NREP: variants seen among roughly 807,000 people sequenced by gnomAD.
NREP encodes neuronal regeneration-related protein.
A neutral mutation model predicts 8.6 loss-of-function variants in NREP; 5 were observed. The observed-to-expected ratio is 0.58, with a 90% confidence interval of 0.30 to 1.22. The LOEUF (loss-of-function observed/expected upper bound fraction) is 1.22. NREP is among the 50% of genes most tolerant of loss of function. The pLI is 0.07. For synonymous variants in NREP, 27 were observed against 28.0 expected (o/e 0.96, Z 0.11); for missense variants, 86 against 82.5 (o/e 1.04, Z -0.17).
intron 2 of NREP, among the ~76,000 whole-genome samples, chr5:111,795,096 G>C (rs2112897290): frequency 6.6e-6 from 1 of 151,986 alleles, no homozygotes; most frequent in South Asian, 2.1e-4. Flanking sequence ...GATTCAAGTA[G>C]CATTATAATG....
At position 111,729,627 on chromosome 5, in the gene NREP, A is replaced by T. The variant is rs529849888; in HGVS notation, c.*1294T>A. The T allele has an allele frequency of 2.6e-5, 4 of 152,782 alleles. No individual in the cohort carries two copies. In the East Asian group the frequency reaches 7.7e-4, roughly 29 times the overall value. The allele number at this position is 152,782 out of a possible 1,614,324, so 9.5% of individuals were successfully genotyped here. On this transcript the variant is annotated 3_prime_UTR_variant, in exon 4 of 4. Transcript: ENST00000257435. The stretch of plus-strand genomic sequence containing the variant: ...AACAGTCAGAAGCGAAACAGTTCAG[A>T]ACAAGGCCTGCCCTGTCAAAAGAAG...
intron 2 of NREP, among the ~76,000 whole-genome samples, chr5:111,925,549 T>C (rs1436171978): frequency 6.6e-6 from 1 of 152,180 alleles, no homozygotes; most frequent in Non-Finnish European, 1.5e-5. Context: ...TACTGTCTGG[T>C]CCTATTGCCT....
At chr5:111,918,431 G>A (rs1485365629) in intron 2 of NREP, among the ~76,000 whole-genome samples, 3 of 152,144 alleles carry the variant, frequency 2.0e-5, no homozygotes, top group African/African-American at 7.2e-5. Flanking sequence ...AATGCTGAAG[G>A]CATCATGCTA....
chr5:111,757,570 A>C, upstream of NREP: 1 of 984,582 alleles, frequency 1.0e-6, no homozygotes, highest in Non-Finnish European at 1.2e-6. Flanking sequence ...ACTCGGCAGG[A>C]ATCGGCGGCT....
intron 2 of NREP, among the ~76,000 whole-genome samples, chr5:111,951,914 G>T (rs545549193): frequency 6.6e-6 from 1 of 152,136 alleles, no homozygotes; most frequent in South Asian, 2.1e-4. Context: ...GTACCAAGAT[G>T]AGGCTAAGGC....
chr5:111,839,449 G>A (rs1237068847), intron 2 of NREP, among the ~76,000 whole-genome samples: 1 of 152,038 alleles, frequency 6.6e-6, no homozygotes, highest in African/African-American at 2.4e-5. Flanking sequence ...GCTATTAAAT[G>A]GATATTTTGG....
At chr5:111,890,245 A>G (rs1205479302) in intron 2 of NREP, among the ~76,000 whole-genome samples, 1 of 136,502 alleles carries the variant, frequency 7.3e-6, no homozygotes, top group Admixed American at 7.4e-5. Flanking sequence ...CCTTCATTCT[A>G]TATCTCACAT....
chr5:111,741,220 T>G (rs1463441467), intron 2 of NREP, among the ~76,000 whole-genome samples: 1 of 152,162 alleles, frequency 6.6e-6, no homozygotes, highest in Non-Finnish European at 1.5e-5. Context: ...ACCTGTATAA[T>G]CAATTCTTTC....
At chr5:111,799,434 T>C (rs1156409363) in intron 2 of NREP, among the ~76,000 whole-genome samples, 2 of 152,240 alleles carry the variant, frequency 1.3e-5, no homozygotes, top group African/African-American at 4.8e-5. Flanking sequence ...AAATTTGACA[T>C]TATCATTGTT....
At position 111,730,901 on chromosome 5, in the gene NREP, T is replaced by C. The variant is rs1192750756; in HGVS notation, c.*20A>G. On this transcript the variant is annotated 3_prime_UTR_variant, in exon 4 of 4. Coordinates refer to ENST00000257435, the MANE Select transcript of NREP (RefSeq NM_004772.4). ...ATCAATACCCATACACCATATGTAA[T>C]ACAAATGGAGGTGTTACGATTAAAA... 5 of 1,613,622 alleles carry C rather than the reference T, an allele frequency of 3.1e-6. No homozygotes were observed. Among genetic ancestry groups the C allele is most frequent in the Non-Finnish European group, 4.2e-6 (5 of 1,179,730 alleles).
Position 111,729,740 on chromosome 5 carries a change from G to GTT in NREP, c.*1179_*1180dup, listed in dbSNP as rs1471012250. ...CATGAGTAGATGGTAATTTATTTTT[G>GTT]TTTATCCATTTCGTTGGGAGCAAGG... On this transcript the variant is annotated 3_prime_UTR_variant, in exon 4 of 4. Coordinates refer to ENST00000257435, the MANE Select transcript of NREP (RefSeq NM_004772.4). 5 of 152,562 alleles carry GTT rather than the reference G, an allele frequency of 3.3e-5. No homozygotes were observed. The highest frequency in any genetic ancestry group is 5.9e-5 in the Non-Finnish European group (4 of 68,024). 9.5% of individuals were successfully genotyped at this position (152,562 alleles called of 1,614,324 possible). A position where few individuals can be genotyped will look rare whatever the true frequency, so the allele number is the denominator to read the frequency against.
At chr5:111,766,680 C>T (rs547965) in intron 2 of NREP, among the ~76,000 whole-genome samples, 2 of 152,174 alleles carry the variant, frequency 1.3e-5, no homozygotes, top group Non-Finnish European at 2.9e-5. Context: ...CTTTCTCCTG[C>T]CATCCCCTAG....
intron 2 of NREP, among the ~76,000 whole-genome samples, chr5:111,867,033 A>G (rs1318446771): frequency 6.6e-6 from 1 of 152,116 alleles, no homozygotes; most frequent in East Asian, 1.9e-4. Flanking sequence ...ATTTGGAGAT[A>G]TACCTAATGT....
At chr5:111,841,608 C>T (rs1456532105) in intron 2 of NREP, among the ~76,000 whole-genome samples, 1 of 152,008 alleles carries the variant, frequency 6.6e-6, no homozygotes, top group Non-Finnish European at 1.5e-5. Context: ...TTTAAAAAGC[C>T]TTAAATTCTG....
Position 111,735,305 on chromosome 5 carries a change from G to A in NREP, c.81+125C>T, listed in dbSNP as rs114814837. ...GTACATTATTTCCAAGGTCATCATA[G>A]TATCAGATTAATGGATTGTTATAGC... On this transcript the variant is annotated intron_variant, in intron 3 of 3. Coordinates refer to ENST00000257435, the MANE Select transcript of NREP (RefSeq NM_004772.4). 2,796 of 583,562 alleles carry A rather than the reference G, an allele frequency of 4.8e-3. 12 individuals carry two copies. Among genetic ancestry groups the A allele is most frequent in the Middle Eastern group, 7.6e-3 (16 of 2,104 alleles). 36.1% of individuals were successfully genotyped at this position (583,562 alleles called of 1,614,324 possible).
chr5:111,783,765 G>A (rs1581114978), intron 2 of NREP, among the ~76,000 whole-genome samples: 1 of 152,006 alleles, frequency 6.6e-6, no homozygotes, highest in East Asian at 1.9e-4. Flanking sequence ...TGCCAATTTT[G>A]TTTTGTAAAT....
chr5:111,797,193 C>T (rs1357509025), intron 2 of NREP, among the ~76,000 whole-genome samples: 1 of 152,106 alleles, frequency 6.6e-6, no homozygotes, highest in Non-Finnish European at 1.5e-5. Flanking sequence ...TCAATTTATC[C>T]ATTCAATAAA....
At chr5:111,840,151 T>TAC (rs756617116) in intron 2 of NREP, among the ~76,000 whole-genome samples, 1 of 151,948 alleles carries the variant, frequency 6.6e-6, no homozygotes, top group Non-Finnish European at 1.5e-5. Context: ...ATATAATTTA[T>TAC]ACACACACAC....
At chr5:111,736,979 T>C (rs1415452480) in intron 2 of NREP, among the ~76,000 whole-genome samples, 3 of 152,174 alleles carry the variant, frequency 2.0e-5, no homozygotes, top group African/African-American at 7.2e-5. Flanking sequence ...CTCAAAATTA[T>C]ACCAGTCCAC....
Sources: allele counts gnomAD v4.1 joint callset (sites outside exome capture counted in the v4.1 genomes callset), GRCh38; gene constraint gnomAD v4.1.1; transcripts MANE v1.5; gene names NCBI Gene and HGNC (gene_info 2026-07-23, HGNC 2026-07-21).